SPDYE2B: variants seen among roughly 807,000 people sequenced by gnomAD.
The protein encoded by SPDYE2B is speedy protein E2B.
chr7:102,654,780 C>A, intron 3 of SPDYE2B: 1 of 51,142 alleles, frequency 2.0e-5, no homozygotes, highest in African/African-American at 9.9e-5. Context: ...AGGAAGTGTT[C>A]TGAGGACAGA....
chr7:102,659,191 G>A (rs1791926350), intron 6 of SPDYE2B, among the ~76,000 whole-genome samples: 1 of 151,044 alleles, frequency 6.6e-6, no homozygotes, highest in African/African-American at 2.4e-5. Context: ...GTGTGCCACC[G>A]CACCAGGCTC....
At position 102,654,992 on chromosome 7, in the gene SPDYE2B, G is replaced by T. The variant is rs1323942857; in HGVS notation, c.388G>T (p.Val130Leu). 19 of 24,878 alleles carry T rather than the reference G, an allele frequency of 7.6e-4. No individual in the cohort carries two copies. Among genetic ancestry groups the T allele is most frequent in the Admixed American group, 2.9e-3 (4 of 1,394 alleles). 1.5% of individuals were successfully genotyped at this position (24,878 alleles called of 1,614,324 possible). A position where few individuals can be genotyped will look rare whatever the true frequency, so the allele number is the denominator to read the frequency against. Residue 130 changes from valine (V) to leucine (L), a missense_variant, in exon 4 of 9, where the codon GTA becomes TTA. Transcript: ENST00000507450. ...KDFNSQLAPG[V>L]DPSPPHRSFC... is the part of the protein sequence containing the mutation. ...CTGGTTTCTTTACTCAGCCCCTGGG[G>T]TAGATCCCAGCCCCCCGCATAGGTC... is the stretch of plus-strand genomic sequence containing the variant.
chr7:102,661,899 GA>G lies in SPDYE2B; in HGVS notation c.*806del, dbSNP rs574534777. 0.18 allele frequency among the ~76,000 whole-genome samples: 2,078 copies of G among 11,852 alleles called. 54 individuals carry two copies. Among genetic ancestry groups the G allele is most frequent in the African/African-American group, 0.23 (2,012 of 8,656 alleles). The allele number at this position is 11,852 out of a possible 152,430, so 7.8% of individuals were successfully genotyped here. On this transcript the variant is annotated 3_prime_UTR_variant, in exon 9 of 9. Transcript: ENST00000507450. The stretch of plus-strand genomic sequence containing the variant: ...TATAGCTATTGGTAGTTCCCCACCA[GA>G]AAAAAACATAATTCTGGTGATAGAA...
rs1791950517 is a variant in SPDYE2B at position 102,662,126 on chromosome 7, T to G, written c.*1026T>G. Among the ~76,000 whole-genome samples the G allele has an allele frequency of 1.2e-5, 1 of 83,944 alleles. No individual in the cohort carries two copies. The highest frequency in any genetic ancestry group is 3.9e-4 in the East Asian group (1 of 2,590). 55.1% of individuals were successfully genotyped at this position (83,944 alleles called of 152,430 possible). A position where few individuals can be genotyped will look rare whatever the true frequency, so the allele number is the denominator to read the frequency against. ...TTAAATATATTTATTTATTTAAATA[T>G]TATTACTTTAAATATTATTTTAAAT... On this transcript the variant is annotated 3_prime_UTR_variant, in exon 9 of 9. Transcript: ENST00000507450.
intron 6 of SPDYE2B, among the ~76,000 whole-genome samples, chr7:102,659,236 G>A (rs1395592311): frequency 2.0e-5 from 3 of 150,290 alleles, no homozygotes; most frequent in African/African-American, 4.8e-5. Context: ...GGGTTTCTCC[G>A]TGTTGACCAG....
intron 6 of SPDYE2B, among the ~76,000 whole-genome samples, chr7:102,659,015 GCCA>G: frequency 6.6e-6 from 1 of 150,656 alleles, no homozygotes; most frequent in Non-Finnish European, 1.5e-5. Context: ...ACAGGGCTGT[GCCA>G]CCACACCTGG....
Position 102,661,934 on chromosome 7 carries a change from T to C in SPDYE2B, c.*834T>C, listed in dbSNP as rs1791946168. ...TAATTCTGGTGATAGAAATTTTTAT[T>C]TGCTGTTTAGGTTTGTGACTGAATT... On this transcript the variant is annotated 3_prime_UTR_variant, in exon 9 of 9. Transcript: ENST00000507450. Among the ~76,000 whole-genome samples the C allele has an allele frequency of 8.5e-5, 1 of 11,752 alleles. No individual in the cohort carries two copies. Among genetic ancestry groups the C allele is most frequent in the African/African-American group, 1.1e-4 (1 of 9,408 alleles). 7.7% of individuals were successfully genotyped at this position (11,752 alleles called of 152,430 possible).
chr7:102,662,105 ATATAT>A lies in SPDYE2B; in HGVS notation c.*1007_*1011del, dbSNP rs1791950046. ...TTTTATTTATTTAAATATTTATTAA[ATATAT>A]TTATTTATTTAAATATTATTACTTT... On this transcript the variant is annotated 3_prime_UTR_variant, in exon 9 of 9. Coordinates refer to ENST00000507450, the MANE Select transcript of SPDYE2B (RefSeq NM_001166339.2). Among the ~76,000 whole-genome samples, 1 of 81,854 alleles carries A rather than the reference ATATAT, an allele frequency of 1.2e-5. No homozygotes were observed. The highest frequency in any genetic ancestry group is 3.4e-5 in the African/African-American group (1 of 29,548). The allele number at this position is 81,854 out of a possible 152,430, so 53.7% of individuals were successfully genotyped here.
At chr7:102,654,324 C>CCAAA (rs1791815765) in intron 3 of SPDYE2B, among the ~76,000 whole-genome samples, 1 of 96,086 alleles carries the variant, frequency 1.0e-5, no homozygotes, top group African/African-American at 4.9e-5. Context: ...GACGCTGTCT[C>CCAAA]AAAAAAAAAA....
rs1328279901 is a variant in SPDYE2B at position 102,662,076 on chromosome 7, A to G, written c.*976A>G. On this transcript the variant is annotated 3_prime_UTR_variant, in exon 9 of 9. Coordinates refer to ENST00000507450, the MANE Select transcript of SPDYE2B (RefSeq NM_001166339.2). ...AACATGGGTATAGAATTATTTAAATATTATTTTATTTATTTAAATATTTAT... is the reference window on the plus strand; with the variant it reads ...AACATGGGTATAGAATTATTTAAATGTTATTTTATTTATTTAAATATTTAT... Among the ~76,000 whole-genome samples, 1 of 72,896 alleles carries G rather than the reference A, an allele frequency of 1.4e-5. No homozygotes were observed. Among genetic ancestry groups the G allele is most frequent in the Non-Finnish European group, 3.3e-5 (1 of 30,162 alleles). 47.8% of individuals were successfully genotyped at this position (72,896 alleles called of 152,430 possible). A position where few individuals can be genotyped will look rare whatever the true frequency, so the allele number is the denominator to read the frequency against.
At position 102,662,215 on chromosome 7, in the gene SPDYE2B, T is replaced by C. The variant is rs1180406670; in HGVS notation, c.*1115T>C. On this transcript the variant is annotated 3_prime_UTR_variant, in exon 9 of 9. Coordinates refer to ENST00000507450, the MANE Select transcript of SPDYE2B (RefSeq NM_001166339.2). ...CTATAAAGCTGTGTGATGGATATTA[T>C]AACTGTTATATACACATACATATAA... Among the ~76,000 whole-genome samples the C allele has an allele frequency of 8.1e-5, 5 of 61,634 alleles. No homozygotes were observed. The highest frequency in any genetic ancestry group is 2.0e-4 in the African/African-American group (5 of 25,480). The allele number at this position is 61,634 out of a possible 152,430, so 40.4% of individuals were successfully genotyped here. A position where few individuals can be genotyped will look rare whatever the true frequency, so the allele number is the denominator to read the frequency against.
intron 5 of SPDYE2B, among the ~76,000 whole-genome samples, chr7:102,656,529 C>T (rs1311317141): frequency 1.6e-5 from 1 of 61,350 alleles, no homozygotes; most frequent in African/African-American, 3.7e-5. Context: ...TCACTGCAGC[C>T]GATGCGTCCT....
Position 102,662,214 on chromosome 7 carries a change from A to G in SPDYE2B, c.*1114A>G, listed in dbSNP as rs1281060831. ...TCTATAAAGCTGTGTGATGGATATTATAACTGTTATATACACATACATATA... is the reference window on the plus strand; with the variant it reads ...TCTATAAAGCTGTGTGATGGATATTGTAACTGTTATATACACATACATATA... On this transcript the variant is annotated 3_prime_UTR_variant, in exon 9 of 9. Coordinates refer to ENST00000507450, the MANE Select transcript of SPDYE2B (RefSeq NM_001166339.2). Among the ~76,000 whole-genome samples, 2 of 61,138 alleles carry G rather than the reference A, an allele frequency of 3.3e-5. No homozygotes were observed. Among genetic ancestry groups the G allele is most frequent in the African/African-American group, 7.9e-5 (2 of 25,300 alleles). 40.1% of individuals were successfully genotyped at this position (61,138 alleles called of 152,430 possible). A position where few individuals can be genotyped will look rare whatever the true frequency, so the allele number is the denominator to read the frequency against.
Sources: allele counts gnomAD v4.1 joint callset (sites outside exome capture counted in the v4.1 genomes callset), GRCh38; gene constraint gnomAD v4.1.1; transcripts MANE v1.5; gene names NCBI Gene and HGNC (gene_info 2026-07-23, HGNC 2026-07-21).